The following WWC1 variants were observed in gnomAD, a reference collection of about 807,000 sequenced individuals.
WWC1 encodes the protein WW and C2 domain containing 1.
WWC1 carries 55 observed loss-of-function variants against 138.4 expected under a neutral mutation model. The ratio of observed to expected loss-of-function variants is 0.40; its 90% CI spans 0.32 to 0.50. WWC1 has a LOEUF of 0.50. Among genes scored for constraint, WWC1 ranks in the 20% least tolerant of loss-of-function variants. WWC1 has a pLI of 0.72. For missense variants in WWC1, 1,226 were observed against 1,420.4 expected, an observed-to-expected ratio of 0.86 and a Z score of 2.20; for synonymous variants, 524 against 564.9, an observed-to-expected ratio of 0.93 and a Z score of 1.03.
chr5:168,317,410 G>C (rs963544082), intron 1 of WWC1, among the ~76,000 whole-genome samples: 4 of 152,120 alleles, frequency 2.6e-5, no homozygotes, highest in African/African-American at 9.7e-5. Context: ...CCTGGAGCTC[G>C]CAGCCAGATC....
At chr5:168,328,925 C>T (rs1772799873) in intron 1 of WWC1, among the ~76,000 whole-genome samples, 1 of 152,188 alleles carries the variant, frequency 6.6e-6, no homozygotes, top group Admixed American at 6.5e-5. Flanking sequence ...CTGTTATTCC[C>T]TCAGTCAGCA....
chr5:168,429,366 C>T (rs577138233), intron 13 of WWC1, among the ~76,000 whole-genome samples: 52 of 148,538 alleles, frequency 3.5e-4, no homozygotes, highest in African/African-American at 1.1e-3. Context: ...TCAAGCGATT[C>T]TCCTGCCTCA....
intron 9 of WWC1, among the ~76,000 whole-genome samples, chr5:168,416,773 G>A (rs1315976206): frequency 2.0e-5 from 3 of 152,208 alleles, no homozygotes; most frequent in African/African-American, 4.8e-5. Flanking sequence ...GATACATTAA[G>A]TCTCACTTAA....
chr5:168,446,000 C>G (rs1429294834), intron 17 of WWC1, among the ~76,000 whole-genome samples: 1 of 152,076 alleles, frequency 6.6e-6, no homozygotes, highest in Non-Finnish European at 1.5e-5. Flanking sequence ...ATTGGCCAAG[C>G]TTAGCCACTT....
At chr5:168,327,008 C>A (rs1455621769) in intron 1 of WWC1, among the ~76,000 whole-genome samples, 8 of 152,180 alleles carry the variant, frequency 5.3e-5, no homozygotes, top group Non-Finnish European at 1.2e-4. Flanking sequence ...ATATGCAGGC[C>A]AGTGTCTGAG....
intron 1 of WWC1, among the ~76,000 whole-genome samples, chr5:168,344,933 A>G (rs1298045399): frequency 6.6e-6 from 1 of 152,112 alleles, no homozygotes; most frequent in Non-Finnish European, 1.5e-5. Flanking sequence ...CAAAGTGTTG[A>G]TTTATTTTTT....
chr5:168,408,882 G>A (rs1780014674), intron 7 of WWC1, among the ~76,000 whole-genome samples: 1 of 152,184 alleles, frequency 6.6e-6, no homozygotes, highest in Non-Finnish European at 1.5e-5. Context: ...GGACGTCATG[G>A]CCCTGAGTAT....
At chr5:168,409,340 T>G (rs1481267120) in intron 7 of WWC1, among the ~76,000 whole-genome samples, 1 of 152,192 alleles carries the variant, frequency 6.6e-6, no homozygotes, top group African/African-American at 2.4e-5. Context: ...CGGTGAGCCT[T>G]GTAGCTTCTT....
At chr5:168,373,577 AT>A (rs546523274) in intron 2 of WWC1, among the ~76,000 whole-genome samples, 71 of 152,162 alleles carry the variant, frequency 4.7e-4, no homozygotes, top group Admixed American at 1.4e-3. Flanking sequence ...ATGGACTGAA[AT>A]TCTCTTAAGA....
At chr5:168,429,358 A>G (rs1258406841) in intron 13 of WWC1, among the ~76,000 whole-genome samples, 1 of 148,908 alleles carries the variant, frequency 6.7e-6, no homozygotes, top group Non-Finnish European at 1.5e-5. Flanking sequence ...TCCTGGGTTC[A>G]AGCGATTCTC....
At chr5:168,325,426 C>G (rs761837111) in intron 1 of WWC1, among the ~76,000 whole-genome samples, 4 of 152,228 alleles carry the variant, frequency 2.6e-5, no homozygotes, top group Non-Finnish European at 4.4e-5. Context: ...TGGCAGTGTC[C>G]GCCCTCAGGC....
rs1047662512 is a variant in WWC1 at position 168,417,662 on chromosome 5, G to A, written c.1184+3072G>A. Among the ~76,000 whole-genome samples the A allele has an allele frequency of 3.2e-4, 49 of 152,220 alleles. 1 individual carries two copies. ...CTTTCAAAGGTCTGCTGGCTCCTCA[G>A]GAGCAGTGAGTTCACATAGCTAGTA... is the stretch of plus-strand genomic sequence containing the variant. On this transcript the variant is annotated intron_variant, in intron 9 of 22. Transcript: ENST00000265293.
chr5:168,348,472 C>G (rs560112668), intron 1 of WWC1, among the ~76,000 whole-genome samples: 1 of 152,312 alleles, frequency 6.6e-6, no homozygotes, highest in East Asian at 1.9e-4. Context: ...TTGTCCCTCT[C>G]CCTGAAGCAT....
At chr5:168,302,691 C>G (rs367612979) in intron 1 of WWC1, among the ~76,000 whole-genome samples, 6 of 152,246 alleles carry the variant, frequency 3.9e-5, no homozygotes, top group African/African-American at 1.2e-4. Flanking sequence ...AGGAGCTGTG[C>G]AAATATAGTA....
At chr5:168,432,151 A>T (rs1561758325) in intron 15 of WWC1, among the ~76,000 whole-genome samples, 2 of 152,048 alleles carry the variant, frequency 1.3e-5, no homozygotes, top group East Asian at 3.8e-4. Flanking sequence ...TGGGCAAGGT[A>T]CTTAACATCT....
In WWC1 at chr5:168,399,504, G is replaced by A. The variant is rs141904519; in HGVS notation, c.527G>A (p.Arg176Lys). 1 of 1,614,184 alleles carries A rather than the reference G, an allele frequency of 6.2e-7. No individual in the cohort carries two copies. Among genetic ancestry groups the A allele is most frequent in the East Asian group, 2.2e-5 (1 of 44,870 alleles). The change falls in exon 5 of 23, where the codon AGA (arginine) becomes AAA (lysine). Residue 176 changes from arginine (R) to lysine (K), a missense_variant. By Grantham distance (26) the Arg-to-Lys change is conservative. This residue lies in a region of WWC1 where 1,016 missense variants were observed against 1,153.9 expected (regional missense o/e 0.88). Transcript: ENST00000265293. Reference protein sequence around the residue: ...TAKSRVNKLKREMVHLQHELQ... With the variant: ...TAKSRVNKLKKEMVHLQHELQ... ...GCCCTCCAGGTCAACAAGCTGAAGA[G>A]AGAGATGGTTCACCTCCAGCACGAG...
intron 1 of WWC1, among the ~76,000 whole-genome samples, chr5:168,339,901 CTCTCTT>C (rs1194337142): frequency 1.7e-4 from 14 of 82,972 alleles, no homozygotes; most frequent in South Asian, 4.5e-4. Flanking sequence ...CTCTGTCTCT[CTCTCTT>C]TCTCTCTCTC....
intron 8 of WWC1, among the ~76,000 whole-genome samples, chr5:168,413,733 C>T (rs897496520): frequency 6.6e-6 from 1 of 152,194 alleles, no homozygotes; most frequent in Non-Finnish European, 1.5e-5. Flanking sequence ...TGAGAATACG[C>T]GGTCAGTAGT....
chr5:168,453,197 C>G (rs1755984982), intron 17 of WWC1, among the ~76,000 whole-genome samples: 2 of 151,512 alleles, frequency 1.3e-5, no homozygotes, highest in Admixed American at 1.3e-4. Context: ...GCACTCCAGC[C>G]TGGGTGACAG....
Sources: allele counts gnomAD v4.1 joint callset (sites outside exome capture counted in the v4.1 genomes callset), GRCh38; gene constraint gnomAD v4.1.1; regional missense constraint gnomAD v4.1.1; transcripts MANE v1.5; gene names NCBI Gene and HGNC (gene_info 2026-07-23, HGNC 2026-07-21).